PPARA: variants seen among roughly 807,000 people sequenced by gnomAD.
The protein encoded by PPARA is peroxisome proliferator activated receptor alpha, also known as peroxisome proliferator-activated receptor alpha.
In PPARA, 22 loss-of-function variants were observed where a neutral mutation model predicts 42.2. The ratio of observed to expected loss-of-function variants is 0.52; its 90% CI spans 0.37 to 0.74. PPARA has a LOEUF of 0.74. Among genes scored for constraint, PPARA ranks in the 30% least tolerant of loss-of-function variants. PPARA has a pLI of 0.00. For synonymous variants in PPARA, 242 were observed against 239.3 expected, an observed-to-expected ratio of 1.01 and a Z score of -0.10; for missense variants, 465 against 608.2, an observed-to-expected ratio of 0.76 and a Z score of 2.48.
intron 3 of PPARA, among the ~76,000 whole-genome samples, chr22:46,178,082 G>A (rs1929429188): frequency 2.6e-5 from 4 of 152,102 alleles, no homozygotes; most frequent in Admixed American, 2.6e-4. Flanking sequence ...CAGAACCTCA[G>A]GCACCTACCC....
chr22:46,243,530 C>T lies in PPARA; in HGVS notation c.*8150C>T, dbSNP rs922532207. 1 of 152,040 alleles carries T rather than the reference C, an allele frequency of 6.6e-6. No individual in the cohort carries two copies. Among genetic ancestry groups the T allele is most frequent in the Middle Eastern group, 3.4e-3 (1 of 294 alleles). 9.4% of individuals were successfully genotyped at this position (152,040 alleles called of 1,614,324 possible). On this transcript the variant is annotated 3_prime_UTR_variant, in exon 9 of 9. Transcript: ENST00000407236. This position sits in a 1 kb window ranked among gnomAD's most constrained non-coding sequence, Gnocchi z 5.0. ...GTCACATGAACTGATTGGTTCCAGG[C>T]AATTAGAAAATGGCTATAAAATAAC...
In PPARA at chr22:46,237,957, A is replaced by G. The variant is rs1936268511; in HGVS notation, c.*2577A>G. On this transcript the variant is annotated 3_prime_UTR_variant, in exon 9 of 9. Coordinates refer to ENST00000407236, the MANE Select transcript of PPARA (RefSeq NM_005036.6). The surrounding 1 kb of genome is among the most constrained non-coding windows in gnomAD (Gnocchi z 6.7). ...GATGTGGTCCAGGAAAGTGAGCCTC[A>G]TGGTTTTCAGAGAAGTCATTGTTCT... 6.6e-6 allele frequency: 1 copy of G among 152,258 alleles called. No homozygotes were observed. Among genetic ancestry groups the G allele is most frequent in the Non-Finnish European group, 1.5e-5 (1 of 68,066 alleles). 9.4% of individuals were successfully genotyped at this position (152,258 alleles called of 1,614,324 possible). A position where few individuals can be genotyped will look rare whatever the true frequency, so the allele number is the denominator to read the frequency against.
At position 46,232,077 on chromosome 22, in the gene PPARA, G is replaced by A; in HGVS notation, c.997G>A (p.Ala333Thr). The change falls in exon 8 of 9, where the codon GCG (alanine) becomes ACG (threonine). Residue 333 changes from alanine to threonine, a missense_variant. Ala to Thr is a moderately conservative substitution (Grantham distance 58). This residue lies in a region of PPARA where 313 missense variants were observed against 469.1 expected (regional missense o/e 0.67). Coordinates refer to ENST00000407236, the MANE Select transcript of PPARA (RefSeq NM_005036.6). The surrounding 1 kb of genome is among the most constrained non-coding windows in gnomAD (Gnocchi z 5.3). ...SVMNKDGMLV[A>T]YGNGFITREF... ...GATGAACAAAGACGGGATGCTGGTA[G>A]CGTATGGAAATGGGTTTATAACTCG... The A allele has an allele frequency of 6.2e-7, 1 of 1,614,216 alleles. No homozygotes were observed. The highest frequency in any genetic ancestry group is 8.5e-7 in the Non-Finnish European group (1 of 1,180,034).
At chr22:46,198,007 G>C (rs918249977) in intron 3 of PPARA, among the ~76,000 whole-genome samples, 1 of 151,622 alleles carries the variant, frequency 6.6e-6, no homozygotes, top group African/African-American at 2.4e-5. Flanking sequence ...TGAGGCGAGC[G>C]GAATACGAGC....
intron 4 of PPARA, among the ~76,000 whole-genome samples, chr22:46,205,899 A>G (rs911875588): frequency 5.9e-5 from 9 of 152,022 alleles, no homozygotes; most frequent in Admixed American, 3.3e-4. Context: ...TTATTGATGT[A>G]GCCACTGCAG....
chr22:46,215,183 A>G lies in PPARA; in HGVS notation c.219A>G (p.Ser73=), dbSNP rs773789517. The G allele has an allele frequency of 9.5e-5, 153 of 1,613,758 alleles. No individual in the cohort carries two copies. Among genetic ancestry groups the G allele is most frequent in the Non-Finnish European group, 1.3e-4 (151 of 1,180,004 alleles). ...SDGSVITDTL[S]PASSPSSVTY... ...CCTCTTTTTCCCCAGACACGCTTTC[A>G]CCAGCTTCGAGCCCCTCCTCGGTGA... The change falls in exon 5 of 9, where the codon TCA becomes TCG. Residue 73 remains serine, a synonymous_variant. Coordinates refer to ENST00000407236, the MANE Select transcript of PPARA (RefSeq NM_005036.6).
At chr22:46,194,496 C>A (rs1410271115) in intron 3 of PPARA, among the ~76,000 whole-genome samples, 1 of 151,650 alleles carries the variant, frequency 6.6e-6, no homozygotes, top group East Asian at 1.9e-4. Context: ...GTGCTGAGAA[C>A]ACGATGGGCG....
chr22:46,232,419 G>A lies in PPARA; in HGVS notation c.1159+180G>A, dbSNP rs927270515. The stretch of plus-strand genomic sequence containing the variant: ...ATTCAGTGGGAATTATAACAATATT[G>A]TATAATATTATAGTATATATTGTTA... On this transcript the variant is annotated intron_variant, in intron 8 of 8. Transcript: ENST00000407236. This position sits in a 1 kb window ranked among gnomAD's most constrained non-coding sequence, Gnocchi z 5.3. 6.6e-6 allele frequency among the ~76,000 whole-genome samples: 1 copy of A among 151,862 alleles called. No homozygotes were observed. The highest frequency in any genetic ancestry group is 2.1e-4 in the South Asian group (1 of 4,828).
chr22:46,167,233 C>A lies in PPARA; in HGVS notation c.-126-9520C>A, dbSNP rs966377964. Among the ~76,000 whole-genome samples, 10 of 150,848 alleles carry A rather than the reference C, an allele frequency of 6.6e-5. No homozygotes were observed. Among genetic ancestry groups the A allele is most frequent in the African/African-American group, 2.4e-4 (10 of 41,060 alleles). On this transcript the variant is annotated intron_variant, in intron 2 of 8. Coordinates refer to ENST00000407236, the MANE Select transcript of PPARA (RefSeq NM_005036.6). The surrounding 1 kb of genome is among the most constrained non-coding windows in gnomAD (Gnocchi z 4.1). ...AGCACTACAAACTCATAATTATTAT[C>A]ATTATATTATACTATTATGTAATAA...
rs141248844 is a variant in PPARA at position 46,196,522 on chromosome 22, C to T, written c.-42-1820C>T. On this transcript the variant is annotated intron_variant, in intron 3 of 8. Transcript: ENST00000407236. This position sits in a 1 kb window ranked among gnomAD's most constrained non-coding sequence, Gnocchi z 5.6. Reference sequence around the variant, plus strand: ...TCCTGGAGCCTTTGCACTTGGTGTTCTCTTCGCTGGAACATTCTCCCCCAA... The same window carrying T: ...TCCTGGAGCCTTTGCACTTGGTGTTTTCTTCGCTGGAACATTCTCCCCCAA... Among the ~76,000 whole-genome samples the T allele has an allele frequency of 1.2e-3, 176 of 152,344 alleles. 1 individual carries two copies. The highest frequency in any genetic ancestry group is 7.9e-3 in the East Asian group (41 of 5,176).
Position 46,236,134 on chromosome 22 carries a change from C to T in PPARA, c.*754C>T, listed in dbSNP as rs1936190188. ...TGGTGGCACATGCCTGTAATCCCAG[C>T]TACTCGGGAAGCTGAGGCAGGAGAA... On this transcript the variant is annotated 3_prime_UTR_variant, in exon 9 of 9. Transcript: ENST00000407236. The surrounding 1 kb of genome is among the most constrained non-coding windows in gnomAD (Gnocchi z 5.2). The T allele has an allele frequency of 6.5e-6, 1 of 152,838 alleles. No homozygotes were observed. Among genetic ancestry groups the T allele is most frequent in the Non-Finnish European group, 1.5e-5 (1 of 68,484 alleles). The allele number at this position is 152,838 out of a possible 1,614,324, so 9.5% of individuals were successfully genotyped here. A position where few individuals can be genotyped will look rare whatever the true frequency, so the allele number is the denominator to read the frequency against.
chr22:46,218,346 C>T lies in PPARA; in HGVS notation c.453C>T (p.Asn151=). ...RSCKIQKKNR[N]KCQYCRFHKC... The stretch of plus-strand genomic sequence containing the variant: ...GCAAGATCCAGAAAAAGAACAGAAA[C>T]AAATGCCAGTATTGTCGATTTCACA... The change falls in exon 6 of 9, where the codon AAC becomes AAT. Residue 151 remains asparagine, a synonymous_variant. Coordinates refer to ENST00000407236, the MANE Select transcript of PPARA (RefSeq NM_005036.6). 1 of 1,614,058 alleles carries T rather than the reference C, an allele frequency of 6.2e-7. No individual in the cohort carries two copies. The highest frequency in any genetic ancestry group is 8.5e-7 in the Non-Finnish European group (1 of 1,180,002).
At chr22:46,215,619 G>A (rs908462832) in intron 5 of PPARA, among the ~76,000 whole-genome samples, 1 of 151,998 alleles carries the variant, frequency 6.6e-6, no homozygotes, top group Non-Finnish European at 1.5e-5. Context: ...GTGGGCGCCT[G>A]TAAGCCCAGC....
chr22:46,237,901 T>C lies in PPARA; in HGVS notation c.*2521T>C, dbSNP rs1033578609. On this transcript the variant is annotated 3_prime_UTR_variant, in exon 9 of 9. Transcript: ENST00000407236. The surrounding 1 kb of genome is among the most constrained non-coding windows in gnomAD (Gnocchi z 6.7). ...TTGTCCCCAGCGACCCTGCAGCTGC[T>C]CGCTCTGATGTACCCTGTGCCATTC... The C allele has an allele frequency of 2.6e-5, 4 of 152,340 alleles. No homozygotes were observed. Among genetic ancestry groups the C allele is most frequent in the African/African-American group, 7.2e-5 (3 of 41,464 alleles). The allele number at this position is 152,340 out of a possible 1,614,324, so 9.4% of individuals were successfully genotyped here. A position where few individuals can be genotyped will look rare whatever the true frequency, so the allele number is the denominator to read the frequency against.
intron 4 of PPARA, among the ~76,000 whole-genome samples, chr22:46,202,856 C>G (rs948170320): frequency 1.3e-5 from 2 of 150,562 alleles, no homozygotes; most frequent in African/African-American, 4.9e-5. Flanking sequence ...GAGTGAGACT[C>G]TGTCTTTAAA....
At chr22:46,205,160 G>A (rs114883223) in intron 4 of PPARA, among the ~76,000 whole-genome samples, 5,470 of 149,412 alleles carry the variant, frequency 0.037, 287 homozygotes, top group African/African-American at 0.12. Flanking sequence ...CATCATGCCC[G>A]ACCAGTTCTT....
chr22:46,208,547 C>CAA (rs61164866), intron 4 of PPARA, among the ~76,000 whole-genome samples: 5 of 105,666 alleles, frequency 4.7e-5, no homozygotes, highest in Admixed American at 1.0e-4. Context: ...GACTCCATCT[C>CAA]AAAAAAAAAA....
intron 2 of PPARA, among the ~76,000 whole-genome samples, chr22:46,158,081 C>G (rs966585988): frequency 4.6e-5 from 7 of 152,000 alleles, no homozygotes; most frequent in Admixed American, 3.9e-4. Flanking sequence ...ATTGAAGTTC[C>G]CCCACCCCCT....
At position 46,173,971 on chromosome 22, in the gene PPARA, G is replaced by A. The variant is rs1007632061; in HGVS notation, c.-126-2782G>A. Among the ~76,000 whole-genome samples the A allele has an allele frequency of 8.4e-5, 10 of 118,404 alleles. No individual in the cohort carries two copies. Among genetic ancestry groups the A allele is most frequent in the Admixed American group, 2.5e-4 (3 of 12,096 alleles). The allele number at this position is 118,404 out of a possible 152,430, so 77.7% of individuals were successfully genotyped here. A position where few individuals can be genotyped will look rare whatever the true frequency, so the allele number is the denominator to read the frequency against. ...TGTAATCCCAGCACTTTGGGAGGCC[G>A]AGGTGGGTGGATTGTGAGGTCAGGA... On this transcript the variant is annotated intron_variant, in intron 2 of 8. Transcript: ENST00000407236. This position sits in a 1 kb window ranked among gnomAD's most constrained non-coding sequence, Gnocchi z 4.3.
Sources: gnomAD v4.1 joint callset for allele counts (sites outside exome capture counted in the v4.1 genomes callset) on GRCh38, gnomAD v4.1.1 for gene constraint, gnomAD v4.1.1 regional missense constraint, Gnocchi (gnomAD v3.1) non-coding constraint, MANE v1.5 for transcripts, NCBI Gene and HGNC (gene_info 2026-07-23, HGNC 2026-07-21) for gene names.